ATF6: variants seen among roughly 807,000 people sequenced by gnomAD.
ATF6 encodes the protein activating transcription factor 6.
Under a neutral mutation model 83.6 loss-of-function variants are expected in ATF6, and 53 were observed. That is an observed-to-expected ratio of 0.63 (90% confidence interval 0.51 to 0.80). The LOEUF is 0.80. Among genes scored for constraint, ATF6 ranks in the 30% least tolerant of loss-of-function variants. The probability of loss-of-function intolerance (pLI) is 0.00; values close to 1 mark genes in which losing one functional copy is unlikely to be tolerated. For missense variants in ATF6, 744 were observed against 797.9 expected (o/e 0.93, Z 0.81); for synonymous variants, 288 against 285.8 (o/e 1.01, Z -0.08).
At chr1:161,874,401 A>G (rs1244461406) in intron 14 of ATF6, among the ~76,000 whole-genome samples, 1 of 151,730 alleles carries the variant, frequency 6.6e-6, no homozygotes, top group African/African-American at 2.4e-5. Flanking sequence ...GACATAGACT[A>G]TCTTTTGAAT....
intron 9 of ATF6, 42 bp downstream of exon 9, chr1:161,821,203 C>T (rs1375319148): frequency 1.5e-6 from 2 of 1,318,282 alleles, no homozygotes; most frequent in East Asian, 2.4e-5. Context: ...ATGCTAAAAA[C>T]TTAAATTCTC....
intron 9 of ATF6, among the ~76,000 whole-genome samples, chr1:161,837,598 T>C (rs540121441): frequency 5.3e-4 from 80 of 150,790 alleles, no homozygotes; most frequent in Non-Finnish European, 1.1e-3. Flanking sequence ...TCTCAATTAC[T>C]TGCTTTTATT....
Position 161,791,086 on chromosome 1 carries a change from CTGTGTGTGTGTGTGTGTCTCTG to C in ATF6, c.355-304_355-283del, listed in dbSNP as rs1466457608. 4.5e-3 allele frequency among the ~76,000 whole-genome samples: 392 copies of C among 86,210 alleles called. 1 individual carries two copies. The highest frequency in any genetic ancestry group is 0.034 in the African/African-American group (376 of 10,962). The allele number at this position is 86,210 out of a possible 152,430, so 56.6% of individuals were successfully genotyped here. A position where few individuals can be genotyped will look rare whatever the true frequency, so the allele number is the denominator to read the frequency against. On this transcript the variant is annotated intron_variant, in intron 4 of 15. Transcript: ENST00000367942. ...TATGTGTGTGTGTGTGTGTGTGTCT[CTGTGTGTGTGTGTGTGTCTCTG>C]TGTGTGTGTGTGTGTGTGTGTGTGT...
Position 161,933,938 on chromosome 1 carries a change from C to T in ATF6, c.1804+21558C>T, listed in dbSNP as rs1571246689. Among the ~76,000 whole-genome samples the T allele has an allele frequency of 2.0e-5, 3 of 152,312 alleles. No homozygotes were observed. The South Asian group carries it at 6.2e-4, about 32-fold the overall frequency. On this transcript the variant is annotated intron_variant, in intron 15 of 15. Transcript: ENST00000367942. ...TTCATTTACTTCTCTGCTCCAGCAT[C>T]ACTACCATAAAGAAGCATCCCACCA...
intron 1 of ATF6, among the ~76,000 whole-genome samples, chr1:161,777,268 A>T (rs1457567184): frequency 6.6e-6 from 1 of 152,188 alleles, no homozygotes; most frequent in Non-Finnish European, 1.5e-5. Context: ...TCCTCTGCTT[A>T]TATGTTTCTT....
At chr1:161,922,554 T>C (rs867162540) in intron 15 of ATF6, among the ~76,000 whole-genome samples, 2 of 152,004 alleles carry the variant, frequency 1.3e-5, no homozygotes, top group Admixed American at 6.6e-5. Context: ...GAAAGAAATA[T>C]GGTCCCTTCA....
chr1:161,875,898 C>T (rs1687207564), intron 14 of ATF6, among the ~76,000 whole-genome samples: 1 of 151,856 alleles, frequency 6.6e-6, no homozygotes, highest in South Asian at 2.1e-4. Context: ...AAATTAATAA[C>T]TTTTATTGCT....
chr1:161,827,467 A>C (rs1390264369), intron 9 of ATF6, among the ~76,000 whole-genome samples: 1 of 152,238 alleles, frequency 6.6e-6, no homozygotes, highest in Non-Finnish European at 1.5e-5. Flanking sequence ...ACTTTTGTTA[A>C]GTACCACAAA....
At chr1:161,907,239 C>T (rs1395808063) in intron 14 of ATF6, among the ~76,000 whole-genome samples, 1 of 152,172 alleles carries the variant, frequency 6.6e-6, no homozygotes, top group African/African-American at 2.4e-5. Flanking sequence ...ACTTCTTTGA[C>T]AGCTTGAAAG....
intron 9 of ATF6, among the ~76,000 whole-genome samples, chr1:161,843,835 G>C (rs2101816023): frequency 6.6e-6 from 1 of 152,222 alleles, no homozygotes; most frequent in East Asian, 1.9e-4. Context: ...ATGGCATGCT[G>C]ATACTTTCTT....
intron 15 of ATF6, among the ~76,000 whole-genome samples, chr1:161,939,677 C>G (rs1479375492): frequency 6.6e-6 from 1 of 152,110 alleles, no homozygotes; most frequent in East Asian, 1.9e-4. Context: ...TGCTTCAGCC[C>G]CTGCATCCTG....
chr1:161,900,891 G>C (rs1378602252), intron 14 of ATF6, among the ~76,000 whole-genome samples: 1 of 152,006 alleles, frequency 6.6e-6, no homozygotes, highest in African/African-American at 2.4e-5. Flanking sequence ...ATTAAAAAAA[G>C]TATTTTCAAA....
At chr1:161,920,983 G>A (rs1343654661) in intron 15 of ATF6, among the ~76,000 whole-genome samples, 1 of 151,608 alleles carries the variant, frequency 6.6e-6, no homozygotes, top group Admixed American at 6.6e-5. Context: ...ATCCACCCTC[G>A]GCCTCCCAAG....
intron 10 of ATF6, among the ~76,000 whole-genome samples, chr1:161,851,170 A>ACC (rs1553234836): frequency 1.8e-4 from 24 of 135,692 alleles, no homozygotes; most frequent in African/African-American, 3.3e-4. Context: ...ACACACACAC[A>ACC]CCCCTACCTG....
chr1:161,832,919 G>C (rs957398607), intron 9 of ATF6, among the ~76,000 whole-genome samples: 3 of 152,204 alleles, frequency 2.0e-5, no homozygotes, highest in Admixed American at 6.5e-5. Flanking sequence ...GGTTCTCCCA[G>C]CATGCAGCTT....
intron 7 of ATF6, among the ~76,000 whole-genome samples, chr1:161,813,616 G>T (rs1685528750): frequency 6.6e-6 from 1 of 151,986 alleles, no homozygotes. Flanking sequence ...GTTTTTGAAG[G>T]CTGTGGTGAT....
chr1:161,836,370 C>T (rs1557987196), intron 9 of ATF6, among the ~76,000 whole-genome samples: 5 of 152,286 alleles, frequency 3.3e-5, no homozygotes, highest in African/African-American at 7.2e-5. Context: ...CAAGTATACA[C>T]GGTTTTGTTC....
chr1:161,919,674 G>C (rs1688164722), intron 15 of ATF6, among the ~76,000 whole-genome samples: 3 of 152,072 alleles, frequency 2.0e-5, no homozygotes, highest in Admixed American at 2.0e-4. Context: ...TGTGTGCCAG[G>C]TACCTGTTTG....
chr1:161,860,249 C>A lies in ATF6; in HGVS notation c.1576C>A (p.Gln526Lys). ...CTCAAATTCTCAGCTGATGGCTGTT[C>A]AATACACAGAAACCACTAGTAGTAT... ...QGSNSQLMAV[Q>K]YTETTSSISR... Residue 526 changes from glutamine (Q) to lysine (K), a missense_variant, in exon 13 of 16, where the codon CAA becomes AAA. By Grantham distance (53) the Gln-to-Lys change is moderately conservative. Transcript: ENST00000367942. 1 of 1,594,332 alleles carries A rather than the reference C, an allele frequency of 6.3e-7. No homozygotes were observed. Among genetic ancestry groups the A allele is most frequent in the Non-Finnish European group, 8.6e-7 (1 of 1,169,218 alleles).
Sources: gnomAD v4.1 joint callset for allele counts (sites outside exome capture counted in the v4.1 genomes callset) on GRCh38, gnomAD v4.1.1 for gene constraint, MANE v1.5 for transcripts, NCBI Gene and HGNC (gene_info 2026-07-23, HGNC 2026-07-21) for gene names.